PCCA: variants seen among roughly 807,000 people sequenced by gnomAD.
PCCA encodes propionyl-CoA carboxylase alpha chain, mitochondrial.
In PCCA, 74 loss-of-function variants were observed where a neutral mutation model predicts 101.3. The observed-to-expected ratio is 0.73, with a 90% CI of 0.61 to 0.89. The LOEUF (loss-of-function observed/expected upper bound fraction) is 0.89. PCCA is among the 40% of genes least tolerant of loss of function. The pLI, the probability that PCCA is intolerant of heterozygous loss-of-function variation, is 0.00. For missense variants in PCCA, 891 were observed against 907.0 expected (o/e 0.98, Z 0.23); for synonymous variants, 294 against 313.6 (o/e 0.94, Z 0.66).
chr13:100,368,739 TA>T (rs1246399171), intron 19 of PCCA, among the ~76,000 whole-genome samples, 165 bp downstream of exon 19: 4 of 152,196 alleles, frequency 2.6e-5, no homozygotes, highest in African/African-American at 9.7e-5. Flanking sequence ...TTTGTTCTCT[TA>T]TGCTTATTAG....
rs1425932318 is a variant in PCCA, at chr13:100,404,766, G to A, written c.1747-20867G>A. Among the ~76,000 whole-genome samples, 7 of 152,142 alleles carry A rather than the reference G, an allele frequency of 4.6e-5. No individual in the cohort carries two copies. The East Asian group carries it at 1.2e-3, about 25-fold the overall frequency. ...GTGAGAATCATCCACTCTTACCCAC[G>A]TAACGCCCTATCTCCCCTGCTGTCA... On this transcript the variant is annotated intron_variant, in intron 19 of 23. Transcript: ENST00000376285.
rs3034652 is a variant in PCCA at position 100,205,538 on chromosome 13, C to CTTTT, written c.469-3779_469-3776dup. 7.3e-3 allele frequency among the ~76,000 whole-genome samples: 818 copies of CTTTT among 112,044 alleles called. 37 individuals are homozygous for CTTTT. The highest frequency in any genetic ancestry group is 0.012 in the African/African-American group (349 of 28,352). The allele number at this position is 112,044 out of a possible 152,430, so 73.5% of individuals were successfully genotyped here. ...ATAGTCACTAAATACTTGATATAAG[C>CTTTT]TTTTTTTTTTTTTTTTTTGACAATT... On this transcript the variant is annotated intron_variant, in intron 6 of 23. Transcript: ENST00000376285.
At chr13:100,198,793 C>T (rs2152459911) in intron 6 of PCCA, among the ~76,000 whole-genome samples, 1 of 152,218 alleles carries the variant, frequency 6.6e-6, no homozygotes, top group Admixed American at 6.5e-5. Context: ...GCCACCACAC[C>T]CGGTCTGCAG....
chr13:100,300,304 G>A (rs908222175), intron 12 of PCCA, among the ~76,000 whole-genome samples: 17 of 152,144 alleles, frequency 1.1e-4, no homozygotes, highest in African/African-American at 3.6e-4. Context: ...AACTCAACAC[G>A]CACAAAGCTA....
At chr13:100,177,307 A>C (rs1014826803) in intron 6 of PCCA, among the ~76,000 whole-genome samples, 1 of 152,194 alleles carries the variant, frequency 6.6e-6, no homozygotes, top group African/African-American at 2.4e-5. Flanking sequence ...ACTAAAGCTT[A>C]TATCATCATT....
chr13:100,094,060 C>T (rs1414531020), intron 1 of PCCA, among the ~76,000 whole-genome samples: 4 of 151,972 alleles, frequency 2.6e-5, no homozygotes, highest in East Asian at 1.9e-4. Flanking sequence ...GAAATCCCGT[C>T]TCTACTAAAA....
chr13:100,215,285 AG>A (rs779452423), intron 7 of PCCA, among the ~76,000 whole-genome samples: 1 of 152,214 alleles, frequency 6.6e-6, no homozygotes, highest in Non-Finnish European at 1.5e-5. Context: ...ATATTTACCA[AG>A]TGCACGCAAT....
intron 12 of PCCA, among the ~76,000 whole-genome samples, chr13:100,294,066 C>T (rs2065334800): frequency 6.6e-6 from 1 of 152,126 alleles, no homozygotes; most frequent in Non-Finnish European, 1.5e-5. Flanking sequence ...GCTGGAAGTC[C>T]AAAATCCAGG....
chr13:100,495,054 CG>C (rs528174995), intron 21 of PCCA, among the ~76,000 whole-genome samples: 118 of 152,016 alleles, frequency 7.8e-4, no homozygotes, highest in Admixed American at 1.4e-3. Flanking sequence ...GTATTGCCCC[CG>C]GGCATATTCG....
intron 4 of PCCA, among the ~76,000 whole-genome samples, chr13:100,122,301 G>A (rs2152305083): frequency 6.6e-6 from 1 of 152,238 alleles, no homozygotes; most frequent in African/African-American, 2.4e-5. Context: ...GATATTGTCT[G>A]CAGTTTTCTT....
chr13:100,139,364 A>G (rs2051584414), intron 4 of PCCA, among the ~76,000 whole-genome samples: 2 of 151,814 alleles, frequency 1.3e-5, no homozygotes, highest in Admixed American at 1.3e-4. Flanking sequence ...TCTCTGATAG[A>G]CATGTATGTT....
At chr13:100,193,566 T>C (rs1435963743) in intron 6 of PCCA, among the ~76,000 whole-genome samples, 1 of 152,222 alleles carries the variant, frequency 6.6e-6, no homozygotes, top group African/African-American at 2.4e-5. Flanking sequence ...ATTGTAGTTT[T>C]TGTTAGTATC....
At chr13:100,268,100 A>G (rs1027152911) in intron 10 of PCCA, among the ~76,000 whole-genome samples, 2 of 152,166 alleles carry the variant, frequency 1.3e-5, no homozygotes, top group Non-Finnish European at 2.9e-5. Context: ...AAAAAATTTC[A>G]GCTTTTGGAG....
At chr13:100,246,413 G>A (rs1011514405) in intron 8 of PCCA, among the ~76,000 whole-genome samples, 1 of 152,068 alleles carries the variant, frequency 6.6e-6, no homozygotes, top group South Asian at 2.1e-4. Context: ...AGGCTCAAGC[G>A]ATCCTCCCAC....
chr13:100,206,003 C>G (rs1239754816), intron 6 of PCCA, among the ~76,000 whole-genome samples: 1 of 152,124 alleles, frequency 6.6e-6, no homozygotes, highest in East Asian at 1.9e-4. Context: ...CTATTATCTC[C>G]TCATACAGAG....
chr13:100,262,687 T>C (rs766513029), intron 9 of PCCA, 42 bp from the exon 10 acceptor site: 27 of 560,464 alleles, frequency 4.8e-5, no homozygotes, highest in Non-Finnish European at 8.1e-5. Context: ...CCCCTTCCCC[T>C]CCCTCTCCCC....
At chr13:100,151,239 A>G in intron 4 of PCCA, 1 of 590,102 alleles carries the variant, frequency 1.7e-6, no homozygotes, top group Middle Eastern at 4.5e-4. Context: ...TTAGGCTCAT[A>G]CGGGTAATAG....
chr13:100,251,266 GT>G (rs2061735495), intron 8 of PCCA, among the ~76,000 whole-genome samples: 1 of 152,154 alleles, frequency 6.6e-6, no homozygotes, highest in East Asian at 1.9e-4. Flanking sequence ...CATATACAAA[GT>G]TCCAGACAAC....
At chr13:100,459,967 C>G (rs1176492424) in intron 21 of PCCA, among the ~76,000 whole-genome samples, 3 of 152,238 alleles carry the variant, frequency 2.0e-5, no homozygotes, top group Admixed American at 1.3e-4. Context: ...CCCTCATGAC[C>G]TCCTCTAATG....
Sources: gnomAD v4.1 joint callset for allele counts (sites outside exome capture counted in the v4.1 genomes callset) on GRCh38, gnomAD v4.1.1 for gene constraint, MANE v1.5 for transcripts, NCBI Gene and HGNC (gene_info 2026-07-23, HGNC 2026-07-21) for gene names.